FRMPD2: variants seen among roughly 807,000 people sequenced by gnomAD.
FRMPD2 encodes FERM and PDZ domain containing 2, also known as FERM and PDZ domain-containing protein 2.
FRMPD2 carries 96 observed loss-of-function variants against 140.1 expected under a neutral mutation model. The observed-to-expected ratio is 0.69, with a 90% CI of 0.58 to 0.81. FRMPD2 has a LOEUF of 0.81. Ranked by LOEUF, FRMPD2 falls within the 40% of genes least tolerant of loss-of-function variation. The pLI, the probability that FRMPD2 is intolerant of heterozygous loss-of-function variation, is 0.00. For missense variants in FRMPD2, 1,240 were observed against 1,447.4 expected (o/e 0.86, Z 2.32); for synonymous variants, 449 against 547.6 (o/e 0.82, Z 2.52).
intron 16 of FRMPD2, among the ~76,000 whole-genome samples, chr10:48,191,155 G>A (rs1308576748): frequency 6.6e-6 from 1 of 152,148 alleles, no homozygotes; most frequent in East Asian, 1.9e-4. Flanking sequence ...GGATCTTGGA[G>A]CCCTCCTGCC....
chr10:48,178,208 A>G lies in FRMPD2; in HGVS notation c.2791-57T>C, dbSNP rs2652405. The G allele has an allele frequency of 2.1e-4, 263 of 1,251,962 alleles. 6 individuals carry two copies. In the South Asian group the frequency reaches 2.3e-3, roughly 11 times the overall value. 77.6% of individuals were successfully genotyped at this position (1,251,962 alleles called of 1,614,324 possible). A position where few individuals can be genotyped will look rare whatever the true frequency, so the allele number is the denominator to read the frequency against. On this transcript the variant is annotated intron_variant, in intron 21 of 28. Coordinates refer to ENST00000374201, the MANE Select transcript of FRMPD2 (RefSeq NM_001018071.4). ...GGGATGAAGGAAGATGTCACCTCTT[A>G]GCTCATACTGCTCTCAGGAGCAGGC...
At chr10:48,206,962 A>G in intron 13 of FRMPD2, 29 bp from the exon 14 acceptor site, 2 of 1,606,562 alleles carry the variant, frequency 1.2e-6, no homozygotes, top group African/African-American at 1.3e-5. Flanking sequence ...GATTTAGAAG[A>G]GACAGGCACA....
At chr10:48,269,100 A>T (rs190677078) in intron 1 of FRMPD2, among the ~76,000 whole-genome samples, 350 of 152,354 alleles carry the variant, frequency 2.3e-3, no homozygotes, top group Non-Finnish European at 3.9e-3. Context: ...CAGGTGAAAA[A>T]ATACAACTAC....
chr10:48,164,484 C>T (rs1490846282), intron 27 of FRMPD2, among the ~76,000 whole-genome samples: 1 of 149,172 alleles, frequency 6.7e-6, no homozygotes, highest in African/African-American at 2.5e-5. Flanking sequence ...CCCATGATCT[C>T]CATACCTGAT....
At chr10:48,272,928 A>G (rs1236587989) in intron 1 of FRMPD2, among the ~76,000 whole-genome samples, 1 of 152,212 alleles carries the variant, frequency 6.6e-6, no homozygotes, top group Non-Finnish European at 1.5e-5. Flanking sequence ...TCATATTGGA[A>G]CTACATTCAG....
chr10:48,186,495 GA>G (rs1838689536), intron 17 of FRMPD2, among the ~76,000 whole-genome samples: 1 of 152,180 alleles, frequency 6.6e-6, no homozygotes, highest in South Asian at 2.1e-4. Flanking sequence ...TCGTGATAGT[GA>G]ATAAGTCTCA....
intron 1 of FRMPD2, among the ~76,000 whole-genome samples, chr10:48,253,891 T>C (rs1018140372): frequency 6.6e-6 from 1 of 152,152 alleles, no homozygotes; most frequent in Admixed American, 6.5e-5. Flanking sequence ...GAAAAGCACA[T>C]AACTGATCGG....
intron 13 of FRMPD2, among the ~76,000 whole-genome samples, chr10:48,207,525 G>T (rs1280194867): frequency 1.3e-5 from 2 of 152,200 alleles, no homozygotes; most frequent in Non-Finnish European, 2.9e-5. Context: ...TGTTTACCAG[G>T]TTAGGGGAAT....
chr10:48,223,373 G>A (rs1168701855), intron 10 of FRMPD2, 103 bp from the exon 11 acceptor site: 1 of 1,205,354 alleles, frequency 8.3e-7, no homozygotes, highest in Non-Finnish European at 1.1e-6. Flanking sequence ...CACACGAGCT[G>A]GGTGAGTGCA....
Position 48,206,988 on chromosome 10 carries a change from G to A in FRMPD2, c.1612-55C>T, listed in dbSNP as rs1839216144. 6 of 1,513,038 alleles carry A rather than the reference G, an allele frequency of 4.0e-6. No homozygotes were observed. The East Asian group carries it at 1.4e-4, about 35-fold the overall frequency. 93.7% of individuals were successfully genotyped at this position (1,513,038 alleles called of 1,614,324 possible). ...GACAGGCACATGGTTTAAAATAATG[G>A]GCCTCACGCCATTCACTCCATGCAA... On this transcript the variant is annotated intron_variant, in intron 13 of 28. Coordinates refer to ENST00000374201, the MANE Select transcript of FRMPD2 (RefSeq NM_001018071.4).
At position 48,209,945 on chromosome 10, in the gene FRMPD2, C is replaced by T. The variant is rs114990869; in HGVS notation, c.1611+2009G>A. Among the ~76,000 whole-genome samples the T allele has an allele frequency of 5.7e-3, 870 of 152,040 alleles. 8 individuals are homozygous for T. Among genetic ancestry groups the T allele is most frequent in the African/African-American group, 0.02 (824 of 41,428 alleles). Reference sequence around the variant, plus strand: ...AAAAGAAGTTTTCAAATGTTTAGATCTATGGGATTATATACATACATAAAA... The same window carrying T: ...AAAAGAAGTTTTCAAATGTTTAGATTTATGGGATTATATACATACATAAAA... On this transcript the variant is annotated intron_variant, in intron 13 of 28. Coordinates refer to ENST00000374201, the MANE Select transcript of FRMPD2 (RefSeq NM_001018071.4).
chr10:48,184,574 T>A lies in FRMPD2; in HGVS notation c.2576A>T (p.Gln859Leu). 6.2e-7 allele frequency: 1 copy of A among 1,601,038 alleles called. No homozygotes were observed. Among genetic ancestry groups the A allele is most frequent in the Non-Finnish European group, 8.6e-7 (1 of 1,168,240 alleles). Residue 859 changes from glutamine (Q) to leucine (L), a missense_variant, in exon 20 of 29, where the codon CAG becomes CTG. Around this residue, in one of 6 missense-constraint regions of FRMPD2, gnomAD observed 1,161 missense variants for 1,055.9 expected, o/e 1.10. Transcript: ENST00000374201. ...SPDNIELIIS[Q>L]SKGVGGNNPD... ...AGTGGGTTAAAACATACCTTTTGAC[T>A]GAGAAATAATTAATTCTATGTTGTC...
chr10:48,189,591 A>G (rs1322639571), intron 16 of FRMPD2, among the ~76,000 whole-genome samples: 1 of 152,180 alleles, frequency 6.6e-6, no homozygotes, highest in Non-Finnish European at 1.5e-5. Flanking sequence ...CTGGCCTGTG[A>G]GCTCATGAGG....
chr10:48,235,351 G>A (rs530126559), intron 9 of FRMPD2, among the ~76,000 whole-genome samples: 13 of 152,328 alleles, frequency 8.5e-5, no homozygotes, highest in African/African-American at 3.1e-4. Flanking sequence ...TCATTGCATA[G>A]GAATTGGAGG....
chr10:48,237,194 G>A (rs974085042), intron 8 of FRMPD2, among the ~76,000 whole-genome samples: 1 of 152,078 alleles, frequency 6.6e-6, no homozygotes, highest in Admixed American at 6.5e-5. Context: ...GGTTGGGTAG[G>A]GCTTCTATAG....
chr10:48,215,198 A>T (rs1344121321), intron 12 of FRMPD2, among the ~76,000 whole-genome samples: 1 of 152,188 alleles, frequency 6.6e-6, no homozygotes, highest in African/African-American at 2.4e-5. Flanking sequence ...TATCAAACAA[A>T]ACATAAGCCC....
At chr10:48,167,501 G>T (rs1413899739) in intron 27 of FRMPD2, among the ~76,000 whole-genome samples, 2 of 95,954 alleles carry the variant, frequency 2.1e-5, no homozygotes, top group African/African-American at 8.0e-5. Flanking sequence ...CTGCTCCAGG[G>T]CTCCCTCCAG....
At chr10:48,243,135 T>C (rs1461251790) in intron 4 of FRMPD2, among the ~76,000 whole-genome samples, 1 of 152,122 alleles carries the variant, frequency 6.6e-6, no homozygotes, top group African/African-American at 2.4e-5. Context: ...AATCCAGGCG[T>C]CTTTTGTGCC....
chr10:48,175,729 T>C, intron 23 of FRMPD2, 117 bp downstream of exon 23: 1 of 677,496 alleles, frequency 1.5e-6, no homozygotes, highest in Non-Finnish European at 2.7e-6. Flanking sequence ...AGGCAATCAT[T>C]TGCATGAGTT....
Sources: gnomAD v4.1 joint callset for allele counts (sites outside exome capture counted in the v4.1 genomes callset) on GRCh38, gnomAD v4.1.1 for gene constraint, gnomAD v4.1.1 regional missense constraint, MANE v1.5 for transcripts, NCBI Gene and HGNC (gene_info 2026-07-23, HGNC 2026-07-21) for gene names.